The following FBH1 variants were observed in gnomAD, a reference collection of about 807,000 sequenced individuals.
FBH1 encodes the protein F-box DNA helicase 1, also known as DNA 3'-5' helicase 1.
A neutral mutation model predicts 115.5 loss-of-function variants in FBH1; 43 were observed. The ratio of observed to expected loss-of-function variants is 0.37; its 90% CI spans 0.29 to 0.48. The LOEUF is 0.48. Among genes scored for constraint, FBH1 ranks in the 20% least tolerant of loss-of-function variants. The pLI is 0.99. For synonymous variants in FBH1, 524 were observed against 507.8 expected (o/e 1.03, Z -0.43); for missense variants, 1,001 against 1,337.3 (o/e 0.75, Z 3.92).
At chr10:5,890,495 GCGTGGGGGCTCGGCCGTCCGGGC>G in intron 1 of FBH1, 149 bp downstream of exon 1, 1 of 293,566 alleles carries the variant, frequency 3.4e-6, no homozygotes, top group Non-Finnish European at 6.7e-6. Flanking sequence ...GCAAGCGCGG[GCGTGGGGGCTCGGCCGTCCGGGC>G]CGTGGGCAGG....
At position 5,921,222 on chromosome 10, in the gene FBH1, G is replaced by A; in HGVS notation, c.2101-36G>A. Reference sequence around the variant, plus strand: ...TGGAAATGCACGGACACACCACAGGGCGGGCTGCTGACTCCCTCTGTCTTG... The same window carrying A: ...TGGAAATGCACGGACACACCACAGGACGGGCTGCTGACTCCCTCTGTCTTG... On this transcript the variant is annotated intron_variant, in intron 13 of 20. Transcript: ENST00000362091. The surrounding 1 kb of genome is among the most constrained non-coding windows in gnomAD (Gnocchi z 6.4). The A allele has an allele frequency of 6.3e-7, 1 of 1,597,640 alleles. No homozygotes were observed. Among genetic ancestry groups the A allele is most frequent in the Non-Finnish European group, 8.6e-7 (1 of 1,165,428 alleles).
intron 10 of FBH1, among the ~76,000 whole-genome samples, chr10:5,916,905 C>T (rs1381885532): frequency 1.3e-5 from 2 of 152,164 alleles, no homozygotes; most frequent in African/African-American, 4.8e-5. Context: ...CGGAATAGTC[C>T]TCCCATTTAA....
At chr10:5,896,979 A>G (rs758148089) in intron 1 of FBH1, among the ~76,000 whole-genome samples, 2 of 152,202 alleles carry the variant, frequency 1.3e-5, no homozygotes, top group Non-Finnish European at 2.9e-5. Context: ...TTAAAAAGGT[A>G]TATTAATAAG....
Position 5,906,183 on chromosome 10 carries a change from G to T in FBH1, c.304G>T (p.Ala102Ser). ...GATCTTTCCTGCAGAGAGCAGCTGT[G>T]CACTGCCTCAGGAAGGCAGTGCAGG... ...DMIFPAESSC[A>S]LPQEGSAGPG... The change falls in exon 3 of 21, where the codon GCA (alanine) becomes TCA (serine). Residue 102 changes from alanine to serine, a missense_variant. Coordinates refer to ENST00000362091, the MANE Select transcript of FBH1 (RefSeq NM_178150.3). This position sits in a 1 kb window ranked among gnomAD's most constrained non-coding sequence, Gnocchi z 7.3. 6.2e-7 allele frequency: 1 copy of T among 1,614,126 alleles called. No homozygotes were observed. Among genetic ancestry groups the T allele is most frequent in the Non-Finnish European group, 8.5e-7 (1 of 1,180,010 alleles).
At position 5,921,705 on chromosome 10, in the gene FBH1, C is replaced by T. The variant is rs778572653; in HGVS notation, c.2322+136C>T. 4.3e-5 allele frequency: 50 copies of T among 1,170,742 alleles called. No homozygotes were observed. Among genetic ancestry groups the T allele is most frequent in the Non-Finnish European group, 5.3e-5 (45 of 855,536 alleles). 72.5% of individuals were successfully genotyped at this position (1,170,742 alleles called of 1,614,324 possible). Reference sequence around the variant, plus strand: ...TTTTGACTCTTTCCACCAGGCTGCACCATGAGTGGTCTCTATCCCAGGCCA... The same window carrying T: ...TTTTGACTCTTTCCACCAGGCTGCATCATGAGTGGTCTCTATCCCAGGCCA... On this transcript the variant is annotated intron_variant, in intron 15 of 20. Coordinates refer to ENST00000362091, the MANE Select transcript of FBH1 (RefSeq NM_178150.3). The surrounding 1 kb of genome is among the most constrained non-coding windows in gnomAD (Gnocchi z 6.4).
rs1330929492 is a variant in FBH1, at chr10:5,921,810, A to G, written c.2322+241A>G. 1.3e-5 allele frequency among the ~76,000 whole-genome samples: 2 copies of G among 152,218 alleles called. No homozygotes were observed. Among genetic ancestry groups the G allele is most frequent in the Non-Finnish European group, 2.9e-5 (2 of 68,044 alleles). Reference sequence around the variant, plus strand: ...GACCTTAGTTTCCACTCTTTTAACAATGAATGCCCTTCTTCCCTTGGCAAT... The same window carrying G: ...GACCTTAGTTTCCACTCTTTTAACAGTGAATGCCCTTCTTCCCTTGGCAAT... On this transcript the variant is annotated intron_variant, in intron 15 of 20. Coordinates refer to ENST00000362091, the MANE Select transcript of FBH1 (RefSeq NM_178150.3). This position sits in a 1 kb window ranked among gnomAD's most constrained non-coding sequence, Gnocchi z 6.4.
rs1832725788 is a variant in FBH1 at position 5,927,536 on chromosome 10, G to T, written c.2824G>T (p.Ala942Ser). ...ATCATTGGAAAACATTTTGACTTTG[G>T]CTGGGGTAAGCAGAACGGGCAGCAT... Reference protein sequence around the residue: ...TKSLENILTLAGEYFLQAELT... With the variant: ...TKSLENILTLSGEYFLQAELT... The change falls in exon 19 of 21, where the codon GCT (alanine) becomes TCT (serine). Residue 942 changes from alanine to serine, a missense_variant. Physicochemically the swap from Ala to Ser is moderately conservative, Grantham distance 99. Coordinates refer to ENST00000362091, the MANE Select transcript of FBH1 (RefSeq NM_178150.3). 2 of 1,611,846 alleles carry T rather than the reference G, an allele frequency of 1.2e-6. No individual in the cohort carries two copies. The highest frequency in any genetic ancestry group is 1.3e-5 in the African/African-American group (1 of 74,746).
Position 5,923,795 on chromosome 10 carries a change from C to T in FBH1, c.2398+99C>T. The T allele has an allele frequency of 8.8e-7, 1 of 1,141,692 alleles. No individual in the cohort carries two copies. The highest frequency in any genetic ancestry group is 1.3e-6 in the Non-Finnish European group (1 of 778,758). The allele number at this position is 1,141,692 out of a possible 1,614,324, so 70.7% of individuals were successfully genotyped here. A position where few individuals can be genotyped will look rare whatever the true frequency, so the allele number is the denominator to read the frequency against. ...GTCTGAGTCAGGGACCCGTTTCCCT[C>T]CAGAGAAGGGCGAGCTAGTGTTGCT... On this transcript the variant is annotated intron_variant, in intron 16 of 20. Coordinates refer to ENST00000362091, the MANE Select transcript of FBH1 (RefSeq NM_178150.3). This position sits in a 1 kb window ranked among gnomAD's most constrained non-coding sequence, Gnocchi z 5.7.
chr10:5,908,043 T>A (rs1843824090), intron 3 of FBH1, among the ~76,000 whole-genome samples: 1 of 152,226 alleles, frequency 6.6e-6, no homozygotes, highest in Non-Finnish European at 1.5e-5. Flanking sequence ...ATAGTGTTGT[T>A]CAGATCCTCT....
In FBH1 at chr10:5,915,298, C is replaced by A; in HGVS notation, c.1397-105C>A. 8.4e-7 allele frequency: 1 copy of A among 1,195,596 alleles called. No homozygotes were observed. The highest frequency in any genetic ancestry group is 1.2e-6 in the Non-Finnish European group (1 of 852,144). 74.1% of individuals were successfully genotyped at this position (1,195,596 alleles called of 1,614,324 possible). On this transcript the variant is annotated intron_variant, in intron 8 of 20. Coordinates refer to ENST00000362091, the MANE Select transcript of FBH1 (RefSeq NM_178150.3). This position sits in a 1 kb window ranked among gnomAD's most constrained non-coding sequence, Gnocchi z 5.2. The stretch of plus-strand genomic sequence containing the variant: ...CACTGAAAAACTTGTTACTGTCCTG[C>A]TCTCAAGACAGAGGTGTGATAAGCC...
chr10:5,909,562 G>A lies in FBH1; in HGVS notation c.1020+268G>A. 2.3e-6 allele frequency: 1 copy of A among 428,818 alleles called. No individual in the cohort carries two copies. The highest frequency in any genetic ancestry group is 4.6e-5 in the South Asian group (1 of 21,520). 26.6% of individuals were successfully genotyped at this position (428,818 alleles called of 1,614,324 possible). A position where few individuals can be genotyped will look rare whatever the true frequency, so the allele number is the denominator to read the frequency against. On this transcript the variant is annotated intron_variant, in intron 5 of 20. Coordinates refer to ENST00000362091, the MANE Select transcript of FBH1 (RefSeq NM_178150.3). This position sits in a 1 kb window ranked among gnomAD's most constrained non-coding sequence, Gnocchi z 4.4. The stretch of plus-strand genomic sequence containing the variant: ...GAGGAATCTTCTCTGAAATATTTCT[G>A]AAAAGTGGTCATCTAGCCTCTGAAC...
rs567342722 is a variant in FBH1 at position 5,936,385 on chromosome 10, G to A, written c.2830-71G>A. The A allele has an allele frequency of 7.9e-5, 123 of 1,565,572 alleles. No homozygotes were observed. The East Asian group carries it at 1.1e-3, about 14-fold the overall frequency. ...TCTAAAGGGTTCTCACAGAGCCGCCGCTATCAGTGTTTCCAGTAGACCCTA... is the reference window on the plus strand; with the variant it reads ...TCTAAAGGGTTCTCACAGAGCCGCCACTATCAGTGTTTCCAGTAGACCCTA... On this transcript the variant is annotated intron_variant, in intron 19 of 20. Transcript: ENST00000362091. This position sits in a 1 kb window ranked among gnomAD's most constrained non-coding sequence, Gnocchi z 5.6.
At chr10:5,927,576 C>T in intron 19 of FBH1, 35 bp downstream of exon 19, 2 of 1,535,968 alleles carry the variant, frequency 1.3e-6, no homozygotes, top group East Asian at 2.2e-5. Context: ...TAACTTGATG[C>T]CATTGAATGT....
chr10:5,898,234 G>T (rs1163370602), intron 1 of FBH1, among the ~76,000 whole-genome samples: 1 of 152,170 alleles, frequency 6.6e-6, no homozygotes. Context: ...CTAAGATCGA[G>T]GTGCCAGCAG....
intron 19 of FBH1, chr10:5,929,494 A>C (rs1832851475): frequency 2.0e-5 from 3 of 152,200 alleles, no homozygotes; most frequent in Admixed American, 1.3e-4. Context: ...TAAGCGTCAG[A>C]GCTTAGAACT....
rs773392847 is a variant in FBH1, at chr10:5,913,731, C to CT, written c.1212-8dup. 3.0e-5 allele frequency: 46 copies of CT among 1,517,396 alleles called. No individual in the cohort carries two copies. The highest frequency in any genetic ancestry group is 2.0e-4 in the Admixed American group (8 of 40,660). 94.0% of individuals were successfully genotyped at this position (1,517,396 alleles called of 1,614,324 possible). A position where few individuals can be genotyped will look rare whatever the true frequency, so the allele number is the denominator to read the frequency against. ...TTGAATTTGAGACTTTCTAAATCTA[C>CT]TTTTTTTTCTGGTAGGATTCACTAC... On this transcript the variant is annotated splice_polypyrimidine_tract_variant and intron_variant, in intron 6 of 20. Transcript: ENST00000362091. This position sits in a 1 kb window ranked among gnomAD's most constrained non-coding sequence, Gnocchi z 4.4.
intron 1 of FBH1, 124 bp from the exon 2 acceptor site, chr10:5,902,896 T>A: frequency 1.2e-6 from 1 of 839,080 alleles, no homozygotes; most frequent in Non-Finnish European, 1.7e-6. Context: ...GGGGGAACGG[T>A]TGGCTGGGGT....
chr10:5,935,689 G>C lies in FBH1; in HGVS notation c.2830-767G>C, dbSNP rs1479645018. On this transcript the variant is annotated intron_variant, in intron 19 of 20. Coordinates refer to ENST00000362091, the MANE Select transcript of FBH1 (RefSeq NM_178150.3). The surrounding 1 kb of genome is among the most constrained non-coding windows in gnomAD (Gnocchi z 5.2). ...CAAATAAATCAAAACGTAGGTTACA[G>C]ATTGTAGAATAAGTAGATCAATAGC... 1.3e-5 allele frequency: 2 copies of C among 152,236 alleles called. No homozygotes were observed. The highest frequency in any genetic ancestry group is 2.1e-4 in the South Asian group (1 of 4,832). The allele number at this position is 152,236 out of a possible 1,614,324, so 9.4% of individuals were successfully genotyped here. A position where few individuals can be genotyped will look rare whatever the true frequency, so the allele number is the denominator to read the frequency against.
rs561692078 is a variant in FBH1 at position 5,911,469 on chromosome 10, A to C, written c.1211+341A>C. Among the ~76,000 whole-genome samples, 1 of 152,344 alleles carries C rather than the reference A, an allele frequency of 6.6e-6. No homozygotes were observed. The highest frequency in any genetic ancestry group is 2.1e-4 in the South Asian group (1 of 4,822). On this transcript the variant is annotated intron_variant, in intron 6 of 20. Transcript: ENST00000362091. This position sits in a 1 kb window ranked among gnomAD's most constrained non-coding sequence, Gnocchi z 5.4. ...CTTCCCTAGGAAAATGTTAGGCTCTACTTCCTCCATATCCCACTTGTGGGA... is the reference window on the plus strand; with the variant it reads ...CTTCCCTAGGAAAATGTTAGGCTCTCCTTCCTCCATATCCCACTTGTGGGA...
Sources: allele counts gnomAD v4.1 joint callset (sites outside exome capture counted in the v4.1 genomes callset), GRCh38; gene constraint gnomAD v4.1.1; non-coding constraint Gnocchi (gnomAD v3.1); transcripts MANE v1.5; gene names NCBI Gene and HGNC (gene_info 2026-07-23, HGNC 2026-07-21).